The following FAM135B variants were observed in gnomAD, a reference collection of about 807,000 sequenced individuals.
FAM135B encodes family with sequence similarity 135 member B, also known as protein FAM135B.
In FAM135B, 43 loss-of-function variants were observed where a neutral mutation model predicts 127.7. The ratio of observed to expected loss-of-function variants is 0.34; its 90% CI spans 0.26 to 0.43. The LOEUF is 0.43. Among genes scored for constraint, FAM135B ranks in the 20% least tolerant of loss-of-function variants. The probability of loss-of-function intolerance (pLI) is 1.00; values close to 1 mark genes in which losing one functional copy is unlikely to be tolerated. For missense variants in FAM135B, 1,558 were observed against 1,725.6 expected, an observed-to-expected ratio of 0.90 and a Z score of 1.72; for synonymous variants, 670 against 665.1, an observed-to-expected ratio of 1.01 and a Z score of -0.11.
chr8:138,210,696 C>T (rs565131080), intron 7 of FAM135B, among the ~76,000 whole-genome samples: 1 of 152,302 alleles, frequency 6.6e-6, no homozygotes, highest in East Asian at 1.9e-4. Flanking sequence ...CACCAGGTCC[C>T]TCCCCCTAAC....
At chr8:138,353,791 GTGT>G (rs3084261) in intron 2 of FAM135B, among the ~76,000 whole-genome samples, 73,561 of 151,706 alleles carry the variant, frequency 0.48, 20,101 homozygotes, top group Non-Finnish European at 0.63. Context: ...ACCTGTGCTA[GTGT>G]TGTATAGTCA....
intron 1 of FAM135B, among the ~76,000 whole-genome samples, chr8:138,415,597 T>C (rs1024872636): frequency 4.6e-5 from 7 of 152,188 alleles, no homozygotes; most frequent in Non-Finnish European, 7.3e-5. Flanking sequence ...TGAATTTATG[T>C]TACAACTCTT....
At chr8:138,442,134 A>G (rs1046788306) in intron 1 of FAM135B, among the ~76,000 whole-genome samples, 2 of 150,540 alleles carry the variant, frequency 1.3e-5, no homozygotes, top group African/African-American at 4.9e-5. Flanking sequence ...AAACTATTAC[A>G]TAATCTGTCC....
At chr8:138,300,204 AT>A (rs989741429) in intron 3 of FAM135B, among the ~76,000 whole-genome samples, 13 of 151,766 alleles carry the variant, frequency 8.6e-5, no homozygotes, top group African/African-American at 3.1e-4. Context: ...CCCCTTTCTC[AT>A]TTCACATTTC....
intron 1 of FAM135B, among the ~76,000 whole-genome samples, chr8:138,368,556 A>T (rs1224848289): frequency 6.6e-6 from 1 of 152,218 alleles, no homozygotes; most frequent in Non-Finnish European, 1.5e-5. Flanking sequence ...ATAATAATTT[A>T]AAATGATTTT....
chr8:138,382,382 C>T (rs1831911456), intron 1 of FAM135B, among the ~76,000 whole-genome samples: 1 of 152,170 alleles, frequency 6.6e-6, no homozygotes, highest in Non-Finnish European at 1.5e-5. Flanking sequence ...ACAGCACCTC[C>T]AGGGGTGTGA....
At chr8:138,212,948 T>C (rs563078066) in intron 7 of FAM135B, among the ~76,000 whole-genome samples, 1 of 152,210 alleles carries the variant, frequency 6.6e-6, no homozygotes, top group Non-Finnish European at 1.5e-5. Context: ...TTAAAAAAAA[T>C]TACTAGTCTC....
At chr8:138,203,040 T>C (rs1252283067) in intron 7 of FAM135B, among the ~76,000 whole-genome samples, 1 of 152,244 alleles carries the variant, frequency 6.6e-6, no homozygotes, top group East Asian at 1.9e-4. Flanking sequence ...AAAATGCTTA[T>C]GGAGTGCTTT....
At chr8:138,344,389 AT>A (rs1490238923) in intron 2 of FAM135B, among the ~76,000 whole-genome samples, 2 of 151,882 alleles carry the variant, frequency 1.3e-5, no homozygotes, top group African/African-American at 4.8e-5. Flanking sequence ...GCCTCACTTC[AT>A]TTTCTGAAAT....
chr8:138,136,526 T>C (rs1000511133), intron 19 of FAM135B, among the ~76,000 whole-genome samples: 2 of 152,202 alleles, frequency 1.3e-5, no homozygotes. Context: ...GAATTTTTTG[T>C]ACTGTTGTTG....
intron 1 of FAM135B, among the ~76,000 whole-genome samples, chr8:138,413,737 C>T (rs1341778341): frequency 2.6e-5 from 4 of 152,046 alleles, no homozygotes; most frequent in African/African-American, 9.7e-5. Context: ...GGAATAAAAA[C>T]TCACACTCTT....
chr8:138,375,898 C>G (rs1282289325), intron 1 of FAM135B, among the ~76,000 whole-genome samples: 1 of 152,182 alleles, frequency 6.6e-6, no homozygotes, highest in Admixed American at 6.5e-5. Flanking sequence ...TTAAAGGAAT[C>G]TGGAGAGACC....
At chr8:138,350,745 CCT>C (rs1563925707) in intron 2 of FAM135B, among the ~76,000 whole-genome samples, 3 of 152,156 alleles carry the variant, frequency 2.0e-5, no homozygotes, top group Non-Finnish European at 2.9e-5. Context: ...TTTCCTATGC[CCT>C]GTTTCCTTAT....
intron 1 of FAM135B, among the ~76,000 whole-genome samples, chr8:138,473,001 G>C (rs1312659877): frequency 6.6e-6 from 1 of 152,148 alleles, no homozygotes; most frequent in Admixed American, 6.6e-5. Context: ...GGGAATTCTA[G>C]TCAGAAGCAC....
intron 7 of FAM135B, among the ~76,000 whole-genome samples, chr8:138,236,082 T>C (rs977573970): frequency 1.3e-5 from 2 of 150,930 alleles, no homozygotes; most frequent in Non-Finnish European, 2.9e-5. Context: ...ACACTCTATC[T>C]GTAAGTTCCT....
At chr8:138,299,168 T>C (rs1353014708) in intron 3 of FAM135B, among the ~76,000 whole-genome samples, 1 of 151,862 alleles carries the variant, frequency 6.6e-6, no homozygotes. Context: ...TTCCTAGCAA[T>C]TATATTAAAA....
chr8:138,298,191 A>C (rs919085729), intron 3 of FAM135B, among the ~76,000 whole-genome samples: 8 of 152,212 alleles, frequency 5.3e-5, no homozygotes, highest in South Asian at 2.1e-4. Flanking sequence ...TGGCATGTAA[A>C]CACCACTCAG....
At chr8:138,301,990 C>A (rs915318777) in intron 3 of FAM135B, among the ~76,000 whole-genome samples, 1 of 152,084 alleles carries the variant, frequency 6.6e-6, no homozygotes, top group Non-Finnish European at 1.5e-5. Context: ...AGTAAAACTC[C>A]GTCAGGACTA....
intron 1 of FAM135B, chr8:138,438,748 A>T (rs1035998628): frequency 6.6e-6 from 1 of 152,220 alleles, no homozygotes; most frequent in Admixed American, 6.5e-5. Context: ...ATGATCAGAC[A>T]TCACCTGAGG....
Sources: gnomAD v4.1 joint callset for allele counts (sites outside exome capture counted in the v4.1 genomes callset) on GRCh38, gnomAD v4.1.1 for gene constraint, MANE v1.5 for transcripts, NCBI Gene and HGNC (gene_info 2026-07-23, HGNC 2026-07-21) for gene names.